The following NIT2 variants were observed in gnomAD, a reference collection of about 807,000 sequenced individuals.
NIT2 encodes the protein omega-amidase NIT2.
NIT2 carries 46 observed loss-of-function variants against 42.7 expected under a neutral mutation model. The observed-to-expected ratio is 1.08, with a 90% CI of 0.85 to 1.38. NIT2 has a LOEUF of 1.38. Ranked by LOEUF, NIT2 falls within the 40% of genes most tolerant of loss-of-function variation. The pLI is 0.00. For missense variants in NIT2, 309 were observed against 342.5 expected (o/e 0.90, Z 0.77); for synonymous variants, 123 against 121.9 (o/e 1.01, Z -0.06).
intron 8 of NIT2, among the ~76,000 whole-genome samples, chr3:100,353,869 C>T (rs551500610): frequency 1.4e-4 from 21 of 151,806 alleles, no homozygotes; most frequent in Non-Finnish European, 2.6e-4. Context: ...CTCTGCCTCC[C>T]GGGTTCGAGC....
chr3:100,353,445 G>A (rs1706293878), intron 8 of NIT2, among the ~76,000 whole-genome samples: 1 of 152,230 alleles, frequency 6.6e-6, no homozygotes, highest in African/African-American at 2.4e-5. Flanking sequence ...ACTAGTGTGA[G>A]ATTCCAGTTG....
At position 100,355,409 on chromosome 3, in the gene NIT2, C is replaced by T. The variant is rs1375636062; in HGVS notation, c.*141C>T. The stretch of plus-strand genomic sequence containing the variant: ...GTTCTCTATTGAGATGAGAAAGCCT[C>T]ATTATGCTGACATTTTCCACGCCAC... On this transcript the variant is annotated 3_prime_UTR_variant, in exon 10 of 10. Coordinates refer to ENST00000394140, the MANE Select transcript of NIT2 (RefSeq NM_020202.5). 3.3e-6 allele frequency: 2 copies of T among 599,878 alleles called. No individual in the cohort carries two copies. Among genetic ancestry groups the T allele is most frequent in the African/African-American group, 1.9e-5 (1 of 52,692 alleles). The allele number at this position is 599,878 out of a possible 1,614,324, so 37.2% of individuals were successfully genotyped here.
intron 3 of NIT2, among the ~76,000 whole-genome samples, chr3:100,340,233 T>A (rs1706133478): frequency 6.6e-6 from 1 of 152,016 alleles, no homozygotes; most frequent in Admixed American, 6.6e-5. Flanking sequence ...CCTGGCTGAT[T>A]TTTGTATTTT....
chr3:100,342,675 A>G (rs146929001), intron 4 of NIT2, among the ~76,000 whole-genome samples: 29 of 151,974 alleles, frequency 1.9e-4, no homozygotes, highest in African/African-American at 7.0e-4. Flanking sequence ...CCCTGCCCTC[A>G]TTCTTTATGC....
chr3:100,348,912 C>T (rs367878057), intron 7 of NIT2, 31 bp downstream of exon 7: 17 of 1,583,086 alleles, frequency 1.1e-5, no homozygotes, highest in East Asian at 4.5e-5. Context: ...TCAAGCCTCT[C>T]GGCATGTCCT....
rs776510456 is a variant in NIT2 at position 100,354,812 on chromosome 3, G to A, written c.724G>A (p.Val242Met). ...LAKAGTEEAI[V>M]YSDIDLKKLA... ...CAAAGCTGGCACAGAAGAAGCAATC[G>A]TGTATTCAGACATAGGTAAGATTTT... Residue 242 changes from valine to methionine, a missense_variant, in exon 9 of 10, where the codon GTG becomes ATG. Physicochemically the swap from Val to Met is conservative, Grantham distance 21. Transcript: ENST00000394140. The A allele has an allele frequency of 1.1e-5, 18 of 1,610,626 alleles. No individual in the cohort carries two copies. In the East Asian group the frequency reaches 1.3e-4, roughly 12 times the overall value.
chr3:100,338,264 C>T (rs1331808245), intron 1 of NIT2, among the ~76,000 whole-genome samples: 1 of 152,188 alleles, frequency 6.6e-6, no homozygotes, highest in Non-Finnish European at 1.5e-5. Context: ...TTGTGGGGCC[C>T]AGTTCCCTTG....
chr3:100,346,473 G>A (rs1417281070), intron 6 of NIT2, among the ~76,000 whole-genome samples: 1 of 152,142 alleles, frequency 6.6e-6, no homozygotes, highest in South Asian at 2.1e-4. Context: ...TAAGGTAGGA[G>A]CTGTGCTCAT....
intron 8 of NIT2, among the ~76,000 whole-genome samples, chr3:100,353,245 C>T (rs913772856): frequency 6.6e-6 from 1 of 152,188 alleles, no homozygotes; most frequent in South Asian, 2.1e-4. Flanking sequence ...TGGATGTATT[C>T]CACACTAGTT....
At chr3:100,343,774 G>A (rs1706180822) in intron 4 of NIT2, among the ~76,000 whole-genome samples, 1 of 152,076 alleles carries the variant, frequency 6.6e-6, no homozygotes, top group Non-Finnish European at 1.5e-5. Context: ...ATAACATCTG[G>A]GTCATGGCAG....
At position 100,355,274 on chromosome 3, in the gene NIT2, A is replaced by G. The variant is rs758481660; in HGVS notation, c.*6A>G. 2.5e-6 allele frequency: 4 copies of G among 1,590,060 alleles called. No homozygotes were observed. In the South Asian group the frequency reaches 3.3e-5, roughly 13 times the overall value. On this transcript the variant is annotated 3_prime_UTR_variant, in exon 10 of 10. Transcript: ENST00000394140. Reference sequence around the variant, plus strand: ...TGGAGATGAAAAAGCCCTAAAGTTTATGTTTCTAATGTGTCACAGAATAGG... The same window carrying G: ...TGGAGATGAAAAAGCCCTAAAGTTTGTGTTTCTAATGTGTCACAGAATAGG...
intron 4 of NIT2, among the ~76,000 whole-genome samples, chr3:100,345,010 A>C (rs1245463688): frequency 2.0e-5 from 3 of 150,674 alleles, no homozygotes; most frequent in Non-Finnish European, 4.4e-5. Flanking sequence ...GCTGGAGTGC[A>C]ATGGCGTGAT....
At chr3:100,355,137 G>C in intron 9 of NIT2, 40 bp from the exon 10 acceptor site, 1 of 1,467,942 alleles carries the variant, frequency 6.8e-7, no homozygotes, top group Non-Finnish European at 9.5e-7. Context: ...TTAGTGAGGA[G>C]TTGCAAATTA....
chr3:100,339,530 A>G (rs1448874709), intron 2 of NIT2, among the ~76,000 whole-genome samples: 1 of 152,162 alleles, frequency 6.6e-6, no homozygotes, highest in East Asian at 1.9e-4. Context: ...TCTTTATAGA[A>G]CCAGAACATA....
intron 4 of NIT2, among the ~76,000 whole-genome samples, chr3:100,343,577 TATG>T (rs1236238121): frequency 6.6e-6 from 1 of 152,248 alleles, no homozygotes; most frequent in East Asian, 1.9e-4. Context: ...TTTATTACTC[TATG>T]ATATTTTCTA....
intron 6 of NIT2, among the ~76,000 whole-genome samples, chr3:100,347,827 A>G (rs538563434): frequency 2.1e-4 from 32 of 152,292 alleles, no homozygotes; most frequent in Non-Finnish European, 3.1e-4. Context: ...CACACTCAAA[A>G]AAGGGAGGGT....
rs768992747 is a variant in NIT2 at position 100,339,148 on chromosome 3, C to T, written c.69C>T (p.Arg23=). 3.1e-6 allele frequency: 5 copies of T among 1,613,906 alleles called. No homozygotes were observed. The highest frequency in any genetic ancestry group is 2.2e-5 in the South Asian group (2 of 91,082). The change falls in exon 2 of 10, where the codon CGC becomes CGT. Residue 23 remains arginine, a synonymous_variant. Transcript: ENST00000394140. The stretch of plus-strand genomic sequence containing the variant: ...CCATCAAATCAGATAACGTCACTCG[C>T]GCTTGTAGCTTCATCCGGGAGGCAG... The part of the protein sequence containing the change: ...ISSIKSDNVT[R]ACSFIREAAT...
chr3:100,335,388 C>A (rs963494503), intron 1 of NIT2, among the ~76,000 whole-genome samples: 6 of 152,182 alleles, frequency 3.9e-5, no homozygotes, highest in South Asian at 2.1e-4. Flanking sequence ...AATGTTATTC[C>A]TTTGTTGTTT....
At chr3:100,349,107 ACTT>A (rs953079734) in intron 7 of NIT2, 17 of 316,762 alleles carry the variant, frequency 5.4e-5, no homozygotes, top group Admixed American at 5.0e-4. Context: ...TGGAAACTGT[ACTT>A]TTTTTTTTTT....
Sources: gnomAD v4.1 joint callset for allele counts (sites outside exome capture counted in the v4.1 genomes callset) on GRCh38, gnomAD v4.1.1 for gene constraint, MANE v1.5 for transcripts, NCBI Gene and HGNC (gene_info 2026-07-23, HGNC 2026-07-21) for gene names.